HMCN1: variants seen among roughly 807,000 people sequenced by gnomAD.
HMCN1 encodes the protein hemicentin-1.
Under a neutral mutation model 625.9 loss-of-function variants are expected in HMCN1, and 321 were observed. The ratio of observed to expected loss-of-function variants is 0.51; its 90% CI spans 0.47 to 0.56. HMCN1 has a LOEUF of 0.56. Ranked by LOEUF, HMCN1 falls within the 20% of genes least tolerant of loss-of-function variation. HMCN1 has a pLI of 0.00. For synonymous variants in HMCN1, 2,425 were observed against 2,417.6 expected (o/e 1.00, Z -0.09); for missense variants, 6,588 against 6,887.3 (o/e 0.96, Z 1.54).
intron 4 of HMCN1, among the ~76,000 whole-genome samples, chr1:185,901,067 A>G (rs1665778022): frequency 6.6e-6 from 1 of 151,892 alleles, no homozygotes; most frequent in Non-Finnish European, 1.5e-5. Context: ...AATTCTATTA[A>G]ATGTTTAATG....
At chr1:185,767,101 A>G (rs1655927402) in intron 1 of HMCN1, among the ~76,000 whole-genome samples, 1 of 151,988 alleles carries the variant, frequency 6.6e-6, no homozygotes. Flanking sequence ...TTTTGATAAG[A>G]GTAGATTTTG....
At chr1:186,003,990 C>G in intron 29 of HMCN1, 146 bp downstream of exon 29, 5 of 786,392 alleles carry the variant, frequency 6.4e-6, no homozygotes, top group African/African-American at 1.7e-5. Context: ...TGCTCAAAAG[C>G]TAGTCTGAAA....
chr1:185,752,383 A>C (rs950962935), intron 1 of HMCN1, among the ~76,000 whole-genome samples: 5 of 152,150 alleles, frequency 3.3e-5, no homozygotes, highest in African/African-American at 1.2e-4. Context: ...TTAACACTTT[A>C]ATAGTCAAAT....
intron 69 of HMCN1, 79 bp from the exon 70 acceptor site, chr1:186,106,805 A>G: frequency 9.7e-7 from 1 of 1,026,800 alleles, no homozygotes; most frequent in East Asian, 2.4e-5. Context: ...GGTTATTTAC[A>G]TTCATTCTAG....
At chr1:185,893,877 G>C (rs1351987088) in intron 4 of HMCN1, among the ~76,000 whole-genome samples, 1 of 152,074 alleles carries the variant, frequency 6.6e-6, no homozygotes, top group African/African-American at 2.4e-5. Flanking sequence ...CTAGCACTCA[G>C]ACTGAGAAAC....
At chr1:186,099,636 T>G (rs1164948771) in intron 68 of HMCN1, among the ~76,000 whole-genome samples, 1 of 152,112 alleles carries the variant, frequency 6.6e-6, no homozygotes, top group Non-Finnish European at 1.5e-5. Flanking sequence ...GAGGATTATA[T>G]GGATAAAACA....
At chr1:185,919,089 A>ATATATATATATATATATATATATATG (rs1666874512) in intron 6 of HMCN1, among the ~76,000 whole-genome samples, 1 of 151,340 alleles carries the variant, frequency 6.6e-6, no homozygotes, top group African/African-American at 2.4e-5. Context: ...ATATATATAT[A>ATATATATATATATATATATATATATG]TAATTTTATT....
intron 4 of HMCN1, among the ~76,000 whole-genome samples, chr1:185,871,188 C>T (rs575225610): frequency 7.4e-5 from 11 of 149,298 alleles, no homozygotes; most frequent in Non-Finnish European, 1.3e-4. Flanking sequence ...AAGATCGTGC[C>T]ACTGCACTCC....
chr1:185,882,043 A>G (rs2102392652), intron 4 of HMCN1, among the ~76,000 whole-genome samples: 1 of 152,336 alleles, frequency 6.6e-6, no homozygotes, highest in Non-Finnish European at 1.5e-5. Context: ...CAGATGTAAA[A>G]AGGACTAACA....
intron 58 of HMCN1, 124 bp downstream of exon 58, chr1:186,086,531 C>A (rs1659482203): frequency 1.1e-6 from 1 of 941,118 alleles, no homozygotes; most frequent in Non-Finnish European, 1.6e-6. Flanking sequence ...ACAGTAAATG[C>A]CTCTCTTTGC....
intron 68 of HMCN1, 90 bp downstream of exon 68, chr1:186,095,611 C>T: frequency 1.4e-6 from 2 of 1,389,836 alleles, no homozygotes; most frequent in Admixed American, 2.3e-5. Flanking sequence ...GAATCAGTTG[C>T]TGTGAGAGAA....
At chr1:185,975,479 C>T (rs540999021) in intron 15 of HMCN1, among the ~76,000 whole-genome samples, 305 of 152,158 alleles carry the variant, frequency 2.0e-3, no homozygotes, top group Non-Finnish European at 2.9e-3. Context: ...CACTCACTAT[C>T]CCGAGAACAG....
intron 24 of HMCN1, 47 bp downstream of exon 24, chr1:185,995,134 G>A (rs1486843132): frequency 1.3e-6 from 2 of 1,544,798 alleles, no homozygotes; most frequent in African/African-American, 2.7e-5. Context: ...TGGGGAGTGA[G>A]AGAAAAGCCC....
intron 11 of HMCN1, among the ~76,000 whole-genome samples, chr1:185,959,975 C>T (rs547256553): frequency 6.6e-6 from 1 of 152,168 alleles, no homozygotes; most frequent in South Asian, 2.1e-4. Flanking sequence ...GTTGAAATAA[C>T]TTAGTGAAAT....
intron 68 of HMCN1, 43 bp from the exon 69 acceptor site, chr1:186,103,429 T>C: frequency 6.6e-7 from 1 of 1,525,638 alleles, no homozygotes; most frequent in South Asian, 1.1e-5. Flanking sequence ...CAATATTTTA[T>C]GAAACTGTGG....
chr1:185,973,186 A>G (rs1324263783), intron 15 of HMCN1, among the ~76,000 whole-genome samples: 3 of 152,192 alleles, frequency 2.0e-5, no homozygotes, highest in Non-Finnish European at 2.9e-5. Flanking sequence ...ACGTACACCC[A>G]GCATATCAGC....
chr1:185,781,195 T>A (rs1657069369), intron 1 of HMCN1, among the ~76,000 whole-genome samples: 1 of 152,196 alleles, frequency 6.6e-6, no homozygotes, highest in East Asian at 1.9e-4. Context: ...GGTGGTGATA[T>A]CCCCTTTATC....
At chr1:186,087,897 A>G (rs1659609388) in intron 60 of HMCN1, 35 bp from the exon 61 acceptor site, 1 of 1,555,646 alleles carries the variant, frequency 6.4e-7, no homozygotes, top group African/African-American at 1.4e-5. Flanking sequence ...TCTATAACTT[A>G]ATGGAGCACA....
chr1:186,052,901 G>A (rs921551742), intron 42 of HMCN1, 51 bp from the exon 43 acceptor site: 6 of 1,462,646 alleles, frequency 4.1e-6, no homozygotes, highest in South Asian at 1.1e-5. Context: ...AAACTGTTAT[G>A]AGAATTCTAT....
Sources: gnomAD v4.1 joint callset for allele counts (sites outside exome capture counted in the v4.1 genomes callset) on GRCh38, gnomAD v4.1.1 for gene constraint, MANE v1.5 for transcripts, NCBI Gene and HGNC (gene_info 2026-07-23, HGNC 2026-07-21) for gene names.